LRRTM4: variants seen among roughly 807,000 people sequenced by gnomAD.
LRRTM4 encodes leucine rich repeat transmembrane neuronal 4.
In LRRTM4, 25 loss-of-function variants were observed where a neutral mutation model predicts 47.6. The observed-to-expected ratio is 0.53, with a 90% CI of 0.38 to 0.73. The LOEUF (loss-of-function observed/expected upper bound fraction) is 0.73. LRRTM4 is among the 30% of genes least tolerant of loss of function. The probability of loss-of-function intolerance (pLI) is 0.00; values close to 1 mark genes in which losing one functional copy is unlikely to be tolerated. For synonymous variants in LRRTM4, 311 were observed against 269.5 expected (o/e 1.15, Z -1.51); for missense variants, 638 against 713.4 (o/e 0.89, Z 1.20).
At chr2:76,903,521 G>A (rs1446829223) in intron 3 of LRRTM4, among the ~76,000 whole-genome samples, 1 of 151,718 alleles carries the variant, frequency 6.6e-6, no homozygotes, top group East Asian at 1.9e-4. Flanking sequence ...GGGCCACAGA[G>A]CAAGATTCTG....
chr2:77,433,878 T>C (rs956687848), intron 3 of LRRTM4, among the ~76,000 whole-genome samples: 1 of 152,180 alleles, frequency 6.6e-6, no homozygotes, highest in East Asian at 1.9e-4. Flanking sequence ...GAATTAATTC[T>C]GTTTAGGAAT....
At chr2:77,083,409 C>T (rs568639741) in intron 3 of LRRTM4, among the ~76,000 whole-genome samples, 5 of 152,210 alleles carry the variant, frequency 3.3e-5, no homozygotes, top group East Asian at 3.9e-4. Context: ...ATAAGATGTG[C>T]CATAGACTGA....
chr2:77,205,151 A>G (rs1674086724), intron 3 of LRRTM4, among the ~76,000 whole-genome samples: 1 of 152,224 alleles, frequency 6.6e-6, no homozygotes, highest in Non-Finnish European at 1.5e-5. Context: ...ATGTATTTAT[A>G]TGAAGATATT....
chr2:77,214,096 G>T (rs561051320), intron 3 of LRRTM4, among the ~76,000 whole-genome samples: 53 of 152,210 alleles, frequency 3.5e-4, no homozygotes, highest in African/African-American at 1.1e-3. Flanking sequence ...ACCTGATTTT[G>T]TTCTGGCAAT....
intron 3 of LRRTM4, among the ~76,000 whole-genome samples, chr2:77,067,403 C>T (rs1163978300): frequency 6.6e-6 from 1 of 151,936 alleles, no homozygotes; most frequent in Non-Finnish European, 1.5e-5. Flanking sequence ...TGGTCAACAA[C>T]AACTTCTAAT....
At chr2:77,283,742 G>A (rs966091789) in intron 3 of LRRTM4, among the ~76,000 whole-genome samples, 1 of 152,034 alleles carries the variant, frequency 6.6e-6, no homozygotes, top group African/African-American at 2.4e-5. Context: ...AATACCGCAT[G>A]TTCTCAATTA....
At chr2:77,373,091 ATAT>A (rs1558713092) in intron 3 of LRRTM4, among the ~76,000 whole-genome samples, 2 of 121,774 alleles carry the variant, frequency 1.6e-5, no homozygotes, top group East Asian at 2.3e-4. Context: ...AAAAAAAAAT[ATAT>A]ATATATATAT....
At chr2:77,146,606 T>C (rs926149318) in intron 3 of LRRTM4, among the ~76,000 whole-genome samples, 1 of 152,204 alleles carries the variant, frequency 6.6e-6, no homozygotes, top group Non-Finnish European at 1.5e-5. Flanking sequence ...CTTTTTTCAT[T>C]GTTGCCAAAT....
intron 3 of LRRTM4, among the ~76,000 whole-genome samples, chr2:77,059,700 A>G (rs763253557): frequency 9.2e-5 from 14 of 152,230 alleles, no homozygotes; most frequent in Non-Finnish European, 2.1e-4. Context: ...ACAATAGGAA[A>G]GCTGAAAGGG....
At chr2:76,758,336 C>T (rs1673135844) in intron 3 of LRRTM4, among the ~76,000 whole-genome samples, 1 of 152,092 alleles carries the variant, frequency 6.6e-6, no homozygotes, top group Non-Finnish European at 1.5e-5. Context: ...CTATCCTGTA[C>T]CTCTGTAAAG....
At chr2:76,913,279 G>A (rs568095637) in intron 3 of LRRTM4, among the ~76,000 whole-genome samples, 1 of 151,438 alleles carries the variant, frequency 6.6e-6, no homozygotes, top group Non-Finnish European at 1.5e-5. Flanking sequence ...CCTATGTCTT[G>A]TATGTTTCAT....
intron 3 of LRRTM4, among the ~76,000 whole-genome samples, chr2:77,073,973 G>A (rs715280): frequency 0.45 from 68,792 of 151,548 alleles, 19,920 homozygotes; most frequent in African/African-American, 0.81. Flanking sequence ...TGCACTCTTC[G>A]TTAGTTCTAC....
intron 3 of LRRTM4, among the ~76,000 whole-genome samples, chr2:76,803,502 G>A (rs1675810431): frequency 6.6e-6 from 1 of 152,122 alleles, no homozygotes; most frequent in African/African-American, 2.4e-5. Flanking sequence ...TGATGGGAAT[G>A]TAAATCAGTA....
intron 3 of LRRTM4, among the ~76,000 whole-genome samples, chr2:77,494,872 T>C (rs1265810747): frequency 6.6e-6 from 1 of 152,118 alleles, no homozygotes; most frequent in East Asian, 1.9e-4. Flanking sequence ...CCTAGAATTT[T>C]ATTTAAAAAT....
At chr2:77,338,210 G>A (rs1671235607) in intron 3 of LRRTM4, among the ~76,000 whole-genome samples, 1 of 152,032 alleles carries the variant, frequency 6.6e-6, no homozygotes. Flanking sequence ...GTCCTCAAAA[G>A]CAATTGCAAC....
chr2:77,144,898 T>C lies in LRRTM4; in HGVS notation c.1551+373420A>G, dbSNP rs147080241. The stretch of plus-strand genomic sequence containing the variant: ...CTAGAAAATTGTTACTCTCAAGATG[T>C]GAGAGGACACTGGATTTATGAACTG... On this transcript the variant is annotated intron_variant, in intron 3 of 3. Coordinates refer to ENST00000409884, the MANE Select transcript of LRRTM4 (RefSeq NM_001134745.3). Among the ~76,000 whole-genome samples, 679 of 152,200 alleles carry C rather than the reference T, an allele frequency of 4.5e-3. 17 individuals carry two copies. Among genetic ancestry groups the C allele is most frequent in the Admixed American group, 0.037 (559 of 15,276 alleles).
In LRRTM4 at chr2:77,291,111, TTTC is replaced by T. The variant is rs373199922; in HGVS notation, c.1551+227204_1551+227206del. 4.7e-3 allele frequency among the ~76,000 whole-genome samples: 678 copies of T among 145,632 alleles called. 6 individuals carry two copies. The highest frequency in any genetic ancestry group is 0.018 in the African/African-American group (645 of 36,556). On this transcript the variant is annotated intron_variant, in intron 3 of 3. Transcript: ENST00000409884. Reference sequence around the variant, plus strand: ...CATATATTTAGTAGCTGCCATAGATTTTCTTAATACTAGAAAAACTGTTTGAGA... The same window carrying T: ...CATATATTTAGTAGCTGCCATAGATTTTAATACTAGAAAAACTGTTTGAGA...
chr2:77,333,011 C>T (rs1297811086), intron 3 of LRRTM4, among the ~76,000 whole-genome samples: 1 of 152,146 alleles, frequency 6.6e-6, no homozygotes, highest in Non-Finnish European at 1.5e-5. Context: ...GAATGAGTCT[C>T]ATGATATCTG....
intron 3 of LRRTM4, among the ~76,000 whole-genome samples, chr2:77,218,736 C>G (rs946387175): frequency 2.6e-5 from 4 of 152,128 alleles, no homozygotes; most frequent in Non-Finnish European, 5.9e-5. Flanking sequence ...GCATATCCAG[C>G]TTCACCTGAG....
Sources: allele counts gnomAD v4.1 joint callset (sites outside exome capture counted in the v4.1 genomes callset), GRCh38; gene constraint gnomAD v4.1.1; transcripts MANE v1.5; gene names NCBI Gene and HGNC (gene_info 2026-07-23, HGNC 2026-07-21).